COP1: variants seen among roughly 807,000 people sequenced by gnomAD.
The protein encoded by COP1 is E3 ubiquitin-protein ligase COP1.
Under a neutral mutation model 101.3 loss-of-function variants are expected in COP1, and 24 were observed. That is an observed-to-expected ratio of 0.24 (90% CI 0.17 to 0.33). The LOEUF (loss-of-function observed/expected upper bound fraction) is 0.33. Among genes scored for constraint, COP1 ranks in the 10% least tolerant of loss-of-function variants. The probability of loss-of-function intolerance (pLI) is 1.00; values close to 1 mark genes in which losing one functional copy is unlikely to be tolerated. For missense variants in COP1, 663 were observed against 906.2 expected (o/e 0.73, Z 3.45); for synonymous variants, 347 against 341.9 (o/e 1.01, Z -0.17).
intron 6 of COP1, among the ~76,000 whole-genome samples, chr1:176,138,318 GC>G (rs1690122338): frequency 6.6e-6 from 1 of 152,150 alleles, no homozygotes; most frequent in Non-Finnish European, 1.5e-5. Flanking sequence ...AAAGAGATGG[GC>G]AAAGGAAGAA....
chr1:176,162,908 C>A lies in COP1; in HGVS notation c.723G>T (p.Met241Ile). 1 of 1,609,462 alleles carries A rather than the reference C, an allele frequency of 6.2e-7. No individual in the cohort carries two copies. The highest frequency in any genetic ancestry group is 1.7e-5 in the Admixed American group (1 of 59,408). The change falls in exon 5 of 20, where the codon ATG (methionine) becomes ATT (isoleucine). Residue 241 changes from methionine to isoleucine, a missense_variant. Met to Ile is a conservative substitution (Grantham distance 10, BLOSUM62 1). Around this residue, in one of 4 missense-constraint regions of COP1, gnomAD observed 212 missense variants for 240.7 expected, o/e 0.88. Coordinates refer to ENST00000367669, the MANE Select transcript of COP1 (RefSeq NM_022457.7). ...TCTTCTTCTGCACTAGTAACTCCAA[C>A]ATAAGATTGACATTGGCCAAATCAA... ...DNLDLANVNL[M>I]LELLVQKKKQ...
chr1:176,133,239 C>T (rs114144932), intron 8 of COP1, among the ~76,000 whole-genome samples: 1 of 147,660 alleles, frequency 6.8e-6, no homozygotes. Flanking sequence ...CGTATATGTA[C>T]GTAGGTACAC....
At chr1:176,179,750 A>C (rs1006044809) in intron 2 of COP1, among the ~76,000 whole-genome samples, 6 of 152,116 alleles carry the variant, frequency 3.9e-5, no homozygotes, top group African/African-American at 1.4e-4. Flanking sequence ...ACAGAAAAAA[A>C]ATTTTTTGTC....
chr1:176,008,089 T>C (rs530353331), intron 15 of COP1, among the ~76,000 whole-genome samples: 1 of 152,262 alleles, frequency 6.6e-6, no homozygotes, highest in African/African-American at 2.4e-5. Context: ...AGTATTTGGG[T>C]GGGAGTGACC....
At chr1:176,136,698 C>A in intron 6 of COP1, 151 bp from the exon 7 acceptor site, 1 of 529,820 alleles carries the variant, frequency 1.9e-6, no homozygotes, top group Non-Finnish European at 3.3e-6. Context: ...GGATAACCAT[C>A]AACAAAATAT....
intron 14 of COP1, among the ~76,000 whole-genome samples, chr1:176,037,849 T>C (rs7543882): frequency 0.053 from 8,109 of 152,252 alleles, 467 homozygotes; most frequent in South Asian, 0.14. Flanking sequence ...GATGAAAAGC[T>C]GCAAGATTTC....
At chr1:176,115,530 C>T (rs1254484057) in intron 9 of COP1, among the ~76,000 whole-genome samples, 2 of 151,950 alleles carry the variant, frequency 1.3e-5, no homozygotes, top group Non-Finnish European at 2.9e-5. Flanking sequence ...GGGAGGATCA[C>T]GAGGTCAAGA....
intron 5 of COP1, among the ~76,000 whole-genome samples, chr1:176,154,198 A>C (rs995814232): frequency 1.3e-5 from 2 of 152,088 alleles, no homozygotes; most frequent in African/African-American, 4.8e-5. Flanking sequence ...TGGCAGGGCT[A>C]CTTATTACTG....
At chr1:176,100,918 C>T (rs1045164812) in intron 9 of COP1, among the ~76,000 whole-genome samples, 3 of 151,948 alleles carry the variant, frequency 2.0e-5, no homozygotes, top group African/African-American at 7.3e-5. Context: ...TGGGTCAAAG[C>T]CCTAGGAAAG....
intron 2 of COP1, among the ~76,000 whole-genome samples, chr1:176,181,074 A>G (rs1019429632): frequency 7.2e-5 from 11 of 152,216 alleles, no homozygotes; most frequent in African/African-American, 2.4e-4. Flanking sequence ...TAAAAGTCAG[A>G]TTTCTTATTA....
chr1:176,170,201 A>G (rs1695824423), intron 3 of COP1, among the ~76,000 whole-genome samples: 2 of 152,120 alleles, frequency 1.3e-5, no homozygotes, highest in African/African-American at 4.8e-5. Flanking sequence ...GCTGGAATCA[A>G]CTTCCACCAA....
At chr1:176,041,109 T>G (rs1350246980) in intron 14 of COP1, among the ~76,000 whole-genome samples, 1 of 152,160 alleles carries the variant, frequency 6.6e-6, no homozygotes, top group African/African-American at 2.4e-5. Context: ...GTTAAGAGAT[T>G]TTAGTATACA....
At chr1:176,009,546 G>A (rs1664233911) in intron 15 of COP1, among the ~76,000 whole-genome samples, 1 of 152,068 alleles carries the variant, frequency 6.6e-6, no homozygotes, top group African/African-American at 2.4e-5. Context: ...ACTGCACGAA[G>A]GTTTTTACAG....
At chr1:176,103,544 G>A (rs1683793299) in intron 9 of COP1, among the ~76,000 whole-genome samples, 1 of 152,244 alleles carries the variant, frequency 6.6e-6, no homozygotes, top group East Asian at 1.9e-4. Flanking sequence ...TACCAACTGA[G>A]CACCCCTAAT....
intron 7 of COP1, among the ~76,000 whole-genome samples, chr1:176,136,095 G>A (rs1453091940): frequency 6.6e-6 from 1 of 151,916 alleles, no homozygotes; most frequent in East Asian, 1.9e-4. Flanking sequence ...TATTGGTAAT[G>A]TATTCTTATA....
rs565840207 is a variant in COP1 at position 176,162,842 on chromosome 1, T to A, written c.762+27A>T. On this transcript the variant is annotated intron_variant, in intron 5 of 19. Coordinates refer to ENST00000367669, the MANE Select transcript of COP1 (RefSeq NM_022457.7). ...TTGCAATAAAGTTCATCATTTAAAA[T>A]TTTTTTTAAGTTTAGCTACCACTTA... 7.1e-6 allele frequency: 11 copies of A among 1,545,168 alleles called. No homozygotes were observed. In the East Asian group the frequency reaches 1.4e-4, roughly 19 times the overall value.
intron 14 of COP1, among the ~76,000 whole-genome samples, chr1:176,033,801 T>C (rs1669032924): frequency 6.6e-6 from 1 of 152,040 alleles, no homozygotes; most frequent in Admixed American, 6.5e-5. Context: ...ATGAAAAAAA[T>C]AGCTGTTTAA....
chr1:176,102,114 T>G (rs1247010522), intron 9 of COP1, among the ~76,000 whole-genome samples: 1 of 151,984 alleles, frequency 6.6e-6, no homozygotes, highest in Non-Finnish European at 1.5e-5. Context: ...ACTGAGAGGA[T>G]GGGGTGGGGC....
At position 176,206,850 on chromosome 1, in the gene COP1, C is replaced by A. The variant is rs954484870; in HGVS notation, c.129G>T (p.Ser43=). The A allele has an allele frequency of 7.0e-7, 1 of 1,432,626 alleles. No individual in the cohort carries two copies. The highest frequency in any genetic ancestry group is 2.9e-5 in the Admixed American group (1 of 34,740). The allele number at this position is 1,432,626 out of a possible 1,614,324, so 88.7% of individuals were successfully genotyped here. The stretch of plus-strand genomic sequence containing the variant: ...CCCCGCCGGACACCAGCGCTGCCGC[C>A]GAAACCGCCACGGAAGGCGGCGACG... ...SSPSPPSVAV[S]AAALVSGGVA... Residue 43 remains serine (S), a synonymous_variant, in exon 1 of 20, where the codon TCG becomes TCT. Transcript: ENST00000367669.
Sources: allele counts gnomAD v4.1 joint callset (sites outside exome capture counted in the v4.1 genomes callset), GRCh38; gene constraint gnomAD v4.1.1; regional missense constraint gnomAD v4.1.1; transcripts MANE v1.5; gene names NCBI Gene and HGNC (gene_info 2026-07-23, HGNC 2026-07-21).